PRSS37: variants seen among roughly 807,000 people sequenced by gnomAD.
PRSS37 encodes serine protease 37.
A neutral mutation model predicts 28.0 loss-of-function variants in PRSS37; 25 were observed. That is an observed-to-expected ratio of 0.89 (90% CI 0.65 to 1.25). The LOEUF (loss-of-function observed/expected upper bound fraction) is 1.25, where lower values mean the gene tolerates loss of function less well. Ranked by LOEUF, PRSS37 falls within the 50% of genes most tolerant of loss-of-function variation. PRSS37 has a pLI of 0.00. For synonymous variants in PRSS37, 109 were observed against 107.8 expected (o/e 1.01, Z -0.07); for missense variants, 282 against 292.2 (o/e 0.97, Z 0.25).
At chr7:141,838,545 T>A in intron 2 of PRSS37, 1 of 782,544 alleles carries the variant, frequency 1.3e-6, no homozygotes, top group Non-Finnish European at 1.6e-6. Flanking sequence ...TCTGCACCTT[T>A]GGAAGGGGAC....
At chr7:141,838,755 G>A in intron 2 of PRSS37, 1 of 314,000 alleles carries the variant, frequency 3.2e-6, no homozygotes, top group Non-Finnish European at 6.2e-6. Flanking sequence ...TCCTCACACA[G>A]GTCTCGCTTT....
At chr7:141,840,800 CATGTGTGCCTT>C (rs535503168) in intron 1 of PRSS37, among the ~76,000 whole-genome samples, 33 of 152,302 alleles carry the variant, frequency 2.2e-4, no homozygotes, top group African/African-American at 7.5e-4. Context: ...CTCCAAGGCA[CATGTGTGCCTT>C]AACCCACCCT....
Position 141,840,370 on chromosome 7 carries a change from C to G in PRSS37, c.34+646G>C, listed in dbSNP as rs546369760. On this transcript the variant is annotated intron_variant, in intron 1 of 4. Transcript: ENST00000350549. ...CTGTTAACCTTCCCCAAGACTGGGT[C>G]TGTACCTCACCACACCCTTCTGTGT... is the stretch of plus-strand genomic sequence containing the variant. Among the ~76,000 whole-genome samples the G allele has an allele frequency of 9.9e-5, 15 of 152,206 alleles. 1 individual carries two copies. Among genetic ancestry groups the G allele is most frequent in the Non-Finnish European group, 2.1e-4 (14 of 68,044 alleles).
chr7:141,837,903 A>G lies in PRSS37; in HGVS notation c.387T>C (p.Thr129=), dbSNP rs1300031525. Reference sequence around the variant, plus strand: ...AGTCCAAACCTGAGAGTAGACAGACAGTGCCTGGCCTGACATTGGTGGTGG... The same window carrying G: ...AGTCCAAACCTGAGAGTAGACAGACGGTGCCTGGCCTGACATTGGTGGTGG... The part of the protein sequence containing the change: ...TLATTNVRPG[T]VCLLSGLDWS... The change falls in exon 3 of 5, where the codon ACT becomes ACC. Residue 129 remains threonine, a synonymous_variant. Coordinates refer to ENST00000350549, the MANE Select transcript of PRSS37 (RefSeq NM_001008270.3). The G allele has an allele frequency of 1.9e-6, 3 of 1,613,902 alleles. No individual in the cohort carries two copies. Among genetic ancestry groups the G allele is most frequent in the Non-Finnish European group, 1.7e-6 (2 of 1,179,922 alleles).
chr7:141,839,024 A>T lies in PRSS37; in HGVS notation c.176+314T>A, dbSNP rs190039098. 9.8e-4 allele frequency: 506 copies of T among 517,832 alleles called. 1 individual carries two copies. The highest frequency in any genetic ancestry group is 8.7e-3 in the African/African-American group (457 of 52,242). 32.1% of individuals were successfully genotyped at this position (517,832 alleles called of 1,614,324 possible). ...TTCATACTGCCAGTAAAAAAAAAAAAAGAAAAAAACTTATGAGAGTCTGAG... is the reference window on the plus strand; with the variant it reads ...TTCATACTGCCAGTAAAAAAAAAAATAGAAAAAAACTTATGAGAGTCTGAG... On this transcript the variant is annotated intron_variant, in intron 2 of 4. Coordinates refer to ENST00000350549, the MANE Select transcript of PRSS37 (RefSeq NM_001008270.3).
chr7:141,839,483 A>G lies in PRSS37; in HGVS notation c.35-4T>C, dbSNP rs982655696. ...GAGTCAGCAAAGAAAAATGTCCCTG[A>G]GAAAATAATGAACATTCTTAATACA... On this transcript the variant is annotated splice_polypyrimidine_tract_variant and splice_region_variant and intron_variant, in intron 1 of 4. Transcript: ENST00000350549. The G allele has an allele frequency of 6.2e-7, 1 of 1,608,120 alleles. No individual in the cohort carries two copies. Among genetic ancestry groups the G allele is most frequent in the African/African-American group, 1.3e-5 (1 of 74,888 alleles).
intron 3 of PRSS37, chr7:141,837,609 TGTG>T: frequency 6.6e-7 from 1 of 1,512,568 alleles, no homozygotes; most frequent in African/African-American, 1.4e-5. Context: ...GCTGGGCCTC[TGTG>T]CAGAGTCAGA....
intron 2 of PRSS37, 92 bp downstream of exon 2, chr7:141,839,246 T>G (rs1801079533): frequency 7.6e-7 from 1 of 1,313,840 alleles, no homozygotes. Context: ...CATTGCCAAG[T>G]GTACCCTGTA....
chr7:141,838,669 C>T, intron 2 of PRSS37: 4 of 252,284 alleles, frequency 1.6e-5, no homozygotes, highest in Non-Finnish European at 3.1e-5. Flanking sequence ...ACTTATCCTC[C>T]CAGGTCCCTC....
chr7:141,839,296 A>G, intron 2 of PRSS37, 42 bp downstream of exon 2: 1 of 1,603,620 alleles, frequency 6.2e-7, no homozygotes, highest in Admixed American at 1.7e-5. Flanking sequence ...ATCTAGAATG[A>G]ACAGTAGCTG....
intron 1 of PRSS37, among the ~76,000 whole-genome samples, chr7:141,839,758 A>G (rs888681051): frequency 2.6e-5 from 4 of 152,168 alleles, no homozygotes; most frequent in African/African-American, 7.2e-5. Context: ...TCTTCTTGAA[A>G]AGCAATTTAG....
intron 3 of PRSS37, 87 bp downstream of exon 3, chr7:141,837,773 C>T (rs1000087368): frequency 6.4e-7 from 1 of 1,561,884 alleles, no homozygotes; most frequent in Non-Finnish European, 8.7e-7. Context: ...CTCTCCTTTC[C>T]TCCTCTCTCC....
chr7:141,836,530 C>T lies in PRSS37; in HGVS notation c.573G>A (p.Val191=), dbSNP rs1563051126. ...VKVFSRIFGE[V]AVATVICKDK... Reference sequence around the variant, plus strand: ...CTTTGCAGATGACAGTAGCAACGGCCACCTCCTACCGGAGATCATGCAGAG... The same window carrying T: ...CTTTGCAGATGACAGTAGCAACGGCTACCTCCTACCGGAGATCATGCAGAG... Residue 191 remains valine (V), a synonymous_variant, in exon 5 of 5, where the codon GTG becomes GTA. Transcript: ENST00000350549. 5.0e-6 allele frequency: 8 copies of T among 1,613,824 alleles called. No individual in the cohort carries two copies. The highest frequency in any genetic ancestry group is 6.8e-6 in the Non-Finnish European group (8 of 1,179,966).
chr7:141,837,105 A>T lies in PRSS37; in HGVS notation c.567+7T>A. 6.2e-7 allele frequency: 1 copy of T among 1,612,516 alleles called. No individual in the cohort carries two copies. Among genetic ancestry groups the T allele is most frequent in the Non-Finnish European group, 8.5e-7 (1 of 1,179,538 alleles). Reference sequence around the variant, plus strand: ...TAAATGAAAGCTGAATATAGAGATAAGATTACCCCAAAAATTCGGCTGAAT... The same window carrying T: ...TAAATGAAAGCTGAATATAGAGATATGATTACCCCAAAAATTCGGCTGAAT... On this transcript the variant is annotated splice_region_variant and intron_variant, in intron 4 of 4. Transcript: ENST00000350549.
chr7:141,837,211 G>A lies in PRSS37; in HGVS notation c.468C>T (p.Pro156=), dbSNP rs373813278. 53 of 1,611,158 alleles carry A rather than the reference G, an allele frequency of 3.3e-5. No homozygotes were observed. The Admixed American group carries it at 5.9e-4, about 18-fold the overall frequency. The stretch of plus-strand genomic sequence containing the variant: ...TTTGGCATTCTCGATCAGACATCAC[G>A]GGGGCCTCCAGGTTCTGCCGCAAGT... ...HPDLRQNLEA[P]VMSDRECQKT... Residue 156 remains proline (P), a synonymous_variant, in exon 4 of 5, where the codon CCC becomes CCT. Coordinates refer to ENST00000350549, the MANE Select transcript of PRSS37 (RefSeq NM_001008270.3).
At chr7:141,840,288 G>A (rs1349931307) in intron 1 of PRSS37, among the ~76,000 whole-genome samples, 1 of 152,106 alleles carries the variant, frequency 6.6e-6, no homozygotes, top group African/African-American at 2.4e-5. Context: ...GGGGAGGAAG[G>A]CTGATTCTAG....
At chr7:141,837,344 G>A in intron 3 of PRSS37, 96 bp from the exon 4 acceptor site, 1 of 1,417,592 alleles carries the variant, frequency 7.1e-7, no homozygotes, top group Non-Finnish European at 9.6e-7. Flanking sequence ...ATCTTTTTGT[G>A]TGTGTTTAAA....
intron 2 of PRSS37, chr7:141,839,056 T>C (rs1050831131): frequency 1.7e-6 from 1 of 592,714 alleles, no homozygotes; most frequent in African/African-American, 1.9e-5. Context: ...TGAGGAGGCA[T>C]AACATGTAAC....
chr7:141,839,398 G>C lies in PRSS37; in HGVS notation c.116C>G (p.Pro39Arg). 6.2e-7 allele frequency: 1 copy of C among 1,613,790 alleles called. No homozygotes were observed. The highest frequency in any genetic ancestry group is 1.7e-5 in the Admixed American group (1 of 59,992). Residue 39 changes from proline to arginine, a missense_variant, in exon 2 of 5, where the codon CCC becomes CGC. Physicochemically the swap from Pro to Arg is moderately radical, Grantham distance 103. Transcript: ENST00000350549. ...GGGTTTGATGAGGACGCCCACACAG[G>C]GGTTGAAGTGAGACTTGAGGTACAC... ...YLVYLKSHFNPCVGVLIKPSW... is the reference protein window; with the variant it reads ...YLVYLKSHFNRCVGVLIKPSW...
Sources: allele counts gnomAD v4.1 joint callset (sites outside exome capture counted in the v4.1 genomes callset), GRCh38; gene constraint gnomAD v4.1.1; transcripts MANE v1.5; gene names NCBI Gene and HGNC (gene_info 2026-07-23, HGNC 2026-07-21).